The following SMOC2 variants were observed in gnomAD, a reference collection of about 807,000 sequenced individuals.
The protein encoded by SMOC2 is SPARC-related modular calcium-binding protein 2.
Under a neutral mutation model 61.4 loss-of-function variants are expected in SMOC2, and 39 were observed. The ratio of observed to expected loss-of-function variants is 0.64; its 90% CI spans 0.49 to 0.83. The LOEUF is 0.83. Among genes scored for constraint, SMOC2 ranks in the 40% least tolerant of loss-of-function variants. The pLI is 0.00. For missense variants in SMOC2, 556 were observed against 592.9 expected (o/e 0.94, Z 0.65); for synonymous variants, 247 against 239.9 (o/e 1.03, Z -0.27).
intron 1 of SMOC2, among the ~76,000 whole-genome samples, chr6:168,503,391 T>C (rs1782783337): frequency 6.6e-6 from 1 of 152,108 alleles, no homozygotes; most frequent in Non-Finnish European, 1.5e-5. Flanking sequence ...TTGCTTGTTT[T>C]CTAAATGAGC....
chr6:168,605,953 C>T (rs1195799934), intron 8 of SMOC2, among the ~76,000 whole-genome samples: 1 of 152,164 alleles, frequency 6.6e-6, no homozygotes, highest in Non-Finnish European at 1.5e-5. Context: ...GGCAGCTCCC[C>T]CTTCATAAGC....
chr6:168,505,443 C>G (rs575567375), intron 1 of SMOC2, among the ~76,000 whole-genome samples: 24 of 150,176 alleles, frequency 1.6e-4, no homozygotes, highest in South Asian at 6.4e-4. Flanking sequence ...GGATGAATGA[C>G]TGAATGAAAT....
At chr6:168,641,052 CT>C (rs35555796) in intron 9 of SMOC2, among the ~76,000 whole-genome samples, 29,961 of 151,634 alleles carry the variant, frequency 0.2, 3,076 homozygotes, top group Non-Finnish European at 0.24. Flanking sequence ...ATGTTCCAAA[CT>C]TTTTTTTTCA....
At chr6:168,566,748 C>A (rs1784553038) in intron 7 of SMOC2, among the ~76,000 whole-genome samples, 1 of 152,114 alleles carries the variant, frequency 6.6e-6, no homozygotes, top group Admixed American at 6.5e-5. Flanking sequence ...ATCTGCCCGT[C>A]TCAGCCTCCC....
At chr6:168,562,681 G>T (rs971886678) in intron 7 of SMOC2, among the ~76,000 whole-genome samples, 2 of 152,156 alleles carry the variant, frequency 1.3e-5, no homozygotes, top group African/African-American at 4.8e-5. Context: ...ACGCATCCGG[G>T]GTTATCAGGT....
At chr6:168,498,624 C>T (rs994324813) in intron 1 of SMOC2, among the ~76,000 whole-genome samples, 1 of 152,256 alleles carries the variant, frequency 6.6e-6, no homozygotes, top group East Asian at 1.9e-4. Context: ...GTGAGAGAGC[C>T]GCAACATGTG....
At chr6:168,584,960 A>G (rs1785016298) in intron 7 of SMOC2, among the ~76,000 whole-genome samples, 1 of 152,072 alleles carries the variant, frequency 6.6e-6, no homozygotes, top group Admixed American at 6.6e-5. Context: ...CAATCACCAT[A>G]CATTACATTT....
chr6:168,595,092 C>T (rs13195295), intron 7 of SMOC2, among the ~76,000 whole-genome samples: 391 of 82,176 alleles, frequency 4.8e-3, no homozygotes, highest in Middle Eastern at 0.018. Flanking sequence ...TGAGGCCTCA[C>T]GGGCATCTTT....
At chr6:168,623,347 T>TTC (rs1164772527) in intron 9 of SMOC2, among the ~76,000 whole-genome samples, 3 of 150,534 alleles carry the variant, frequency 2.0e-5, no homozygotes, top group African/African-American at 7.3e-5. Flanking sequence ...TTTTTTTTTT[T>TTC]TGAGACAGAG....
chr6:168,551,486 CTCTGT>C (rs1210550327), intron 7 of SMOC2, among the ~76,000 whole-genome samples: 1 of 151,486 alleles, frequency 6.6e-6, no homozygotes, highest in Admixed American at 6.6e-5. Flanking sequence ...GAAAGTCTTG[CTCTGT>C]CACCCAGGCT....
chr6:168,603,122 G>GC (rs199890415), intron 8 of SMOC2, among the ~76,000 whole-genome samples: 1 of 151,846 alleles, frequency 6.6e-6, no homozygotes, highest in Non-Finnish European at 1.5e-5. Flanking sequence ...CATTTCCCCT[G>GC]CTTGCACTCA....
At chr6:168,442,414 A>G (rs1421958131) in intron 1 of SMOC2, among the ~76,000 whole-genome samples, 1 of 152,254 alleles carries the variant, frequency 6.6e-6, no homozygotes, top group Non-Finnish European at 1.5e-5. Flanking sequence ...CCGCTGGGCC[A>G]AGGCCGGGTG....
intron 2 of SMOC2, among the ~76,000 whole-genome samples, chr6:168,514,925 C>T (rs948342075): frequency 1.3e-5 from 2 of 152,216 alleles, no homozygotes; most frequent in African/African-American, 4.8e-5. Flanking sequence ...CTGTGACCCT[C>T]TCTGGCTCGT....
chr6:168,497,771 AG>A (rs1782627846), intron 1 of SMOC2, among the ~76,000 whole-genome samples: 2 of 152,202 alleles, frequency 1.3e-5, no homozygotes, highest in African/African-American at 4.8e-5. Context: ...CTTAGTTTTG[AG>A]GTCTCCTTAC....
At chr6:168,652,840 A>G in intron 10 of SMOC2, 114 bp from the exon 11 acceptor site, 1 of 879,708 alleles carries the variant, frequency 1.1e-6, no homozygotes, top group Non-Finnish European at 1.8e-6. Context: ...GCAGGCTGAG[A>G]CACCAGGACC....
chr6:168,560,720 C>T lies in SMOC2; in HGVS notation c.637+11517C>T, dbSNP rs865821747. On this transcript the variant is annotated intron_variant, in intron 7 of 12. Transcript: ENST00000356284. ...TTTTCATACCCTGAGACACGAGGCT[C>T]TCACTGCGTTCTTGGAGGAGGTGTC... Among the ~76,000 whole-genome samples the T allele has an allele frequency of 1.9e-3, 4 of 2,056 alleles. 1 individual carries two copies. In the African/African-American group the frequency reaches 0.028, roughly 14 times the overall value. The allele number at this position is 2,056 out of a possible 152,430, so 1.3% of individuals were successfully genotyped here. A position where few individuals can be genotyped will look rare whatever the true frequency, so the allele number is the denominator to read the frequency against.
intron 4 of SMOC2, among the ~76,000 whole-genome samples, chr6:168,533,981 C>T (rs1186024680): frequency 9.2e-5 from 14 of 152,146 alleles, no homozygotes; most frequent in Admixed American, 5.9e-4. Context: ...AGTGGTGGCT[C>T]TTGCTTGTAA....
At chr6:168,570,819 T>C (rs894379455) in intron 7 of SMOC2, among the ~76,000 whole-genome samples, 2 of 152,240 alleles carry the variant, frequency 1.3e-5, no homozygotes, top group African/African-American at 2.4e-5. Context: ...GTCTAATTAT[T>C]TTCAGGTACA....
intron 4 of SMOC2, among the ~76,000 whole-genome samples, chr6:168,531,548 G>A (rs1783602679): frequency 6.6e-6 from 1 of 152,182 alleles, no homozygotes; most frequent in Admixed American, 6.5e-5. Flanking sequence ...GGCTGGGAAG[G>A]AAAGACCCAG....
Sources: allele counts gnomAD v4.1 joint callset (sites outside exome capture counted in the v4.1 genomes callset), GRCh38; gene constraint gnomAD v4.1.1; transcripts MANE v1.5; gene names NCBI Gene and HGNC (gene_info 2026-07-23, HGNC 2026-07-21).